The following CHN2 variants were observed in gnomAD, a reference collection of about 807,000 sequenced individuals.
The protein encoded by CHN2 is beta-chimaerin.
In CHN2, 35 loss-of-function variants were observed where a neutral mutation model predicts 56.3. The observed-to-expected ratio is 0.62, with a 90% CI of 0.47 to 0.82. CHN2 has a LOEUF of 0.82. Ranked by LOEUF, CHN2 falls within the 40% of genes least tolerant of loss-of-function variation. CHN2 has a pLI of 0.00. For missense variants in CHN2, 491 were observed against 580.5 expected (o/e 0.85, Z 1.58); for synonymous variants, 210 against 212.8 (o/e 0.99, Z 0.12).
In CHN2 at chr7:29,374,951, G is replaced by A. The variant is rs771977337; in HGVS notation, c.144+6964G>A. On this transcript the variant is annotated intron_variant, in intron 3 of 12. Coordinates refer to ENST00000222792, the MANE Select transcript of CHN2 (RefSeq NM_004067.4). Reference sequence around the variant, plus strand: ...GGCCCAGGCTGGAGTGCAATGGCGCGATCTTGGCTCACCGCAACCTCCGCC... The same window carrying A: ...GGCCCAGGCTGGAGTGCAATGGCGCAATCTTGGCTCACCGCAACCTCCGCC... 4.5e-4 allele frequency among the ~76,000 whole-genome samples: 67 copies of A among 149,548 alleles called. 1 individual carries two copies. The highest frequency in any genetic ancestry group is 2.0e-4 in the East Asian group (1 of 5,032).
intron 7 of CHN2, among the ~76,000 whole-genome samples, chr7:29,489,573 T>C (rs1788421316): frequency 2.0e-5 from 3 of 152,102 alleles, no homozygotes. Flanking sequence ...CAAAAGAAAA[T>C]TGAACAATAT....
chr7:29,247,305 C>T (rs1165055813), intron 1 of CHN2, among the ~76,000 whole-genome samples: 1 of 152,154 alleles, frequency 6.6e-6, no homozygotes, highest in Admixed American at 6.5e-5. Flanking sequence ...TTTATGTGAT[C>T]ACACAGTGAC....
chr7:29,461,952 T>TA (rs370266013), intron 6 of CHN2, among the ~76,000 whole-genome samples: 4 of 152,212 alleles, frequency 2.6e-5, no homozygotes, highest in Admixed American at 6.5e-5. Flanking sequence ...ATTTCTGTCA[T>TA]AAAAAATACC....
chr7:29,472,108 G>A (rs191038295), intron 6 of CHN2, among the ~76,000 whole-genome samples: 11 of 152,130 alleles, frequency 7.2e-5, no homozygotes, highest in East Asian at 3.9e-4. Flanking sequence ...ATTATCATTC[G>A]GCAATTGGAG....
chr7:29,443,756 T>C (rs1267484101), intron 6 of CHN2, among the ~76,000 whole-genome samples: 3 of 149,640 alleles, frequency 2.0e-5, no homozygotes, highest in Non-Finnish European at 4.5e-5. Flanking sequence ...GAGAGAGAGA[T>C]GGCAGGGGGG....
chr7:29,244,475 A>C (rs1310899343), intron 1 of CHN2, among the ~76,000 whole-genome samples: 1 of 152,224 alleles, frequency 6.6e-6, no homozygotes, highest in Non-Finnish European at 1.5e-5. Flanking sequence ...TTCAAGGCTG[A>C]TAGGTTTCAC....
chr7:29,231,339 C>A (rs923467984), intron 1 of CHN2, among the ~76,000 whole-genome samples: 2 of 152,176 alleles, frequency 1.3e-5, no homozygotes, highest in African/African-American at 2.4e-5. Context: ...AGCAAAAATT[C>A]ATCCCCGGTA....
intron 1 of CHN2, among the ~76,000 whole-genome samples, chr7:29,235,367 TAA>T (rs769172279): frequency 4.6e-5 from 7 of 152,218 alleles, no homozygotes; most frequent in Non-Finnish European, 8.8e-5. Flanking sequence ...TGGCTGTTAT[TAA>T]AAAGTCAAAA....
At chr7:29,193,745 A>C (rs1258596124), upstream of CHN2, 1 of 152,202 alleles carries the variant, frequency 6.6e-6, no homozygotes, top group Non-Finnish European at 1.5e-5. Context: ...CTGAAAGGGC[A>C]CAGTCGGACC....
At chr7:29,301,428 G>C (rs1793653554) in intron 1 of CHN2, among the ~76,000 whole-genome samples, 1 of 150,316 alleles carries the variant, frequency 6.7e-6, no homozygotes, top group Non-Finnish European at 1.5e-5. Context: ...GCAGCACCAG[G>C]TAGACTGCTT....
Position 29,254,053 on chromosome 7 carries a change from C to T in CHN2, c.49+59063C>T, listed in dbSNP as rs10247317. Among the ~76,000 whole-genome samples, 1,071 of 152,252 alleles carry T rather than the reference C, an allele frequency of 7.0e-3. 8 individuals are homozygous for T. The highest frequency in any genetic ancestry group is 0.024 in the African/African-American group (1,016 of 41,530). ...CTGAGTAGTTGAGATTACAGGCCTG[C>T]GCCACTGCGCCCAGCTGATTTTTGT... On this transcript the variant is annotated intron_variant, in intron 1 of 12. Coordinates refer to ENST00000222792, the MANE Select transcript of CHN2 (RefSeq NM_004067.4).
chr7:29,303,359 G>A (rs1793867901), intron 1 of CHN2, among the ~76,000 whole-genome samples: 1 of 152,130 alleles, frequency 6.6e-6, no homozygotes, highest in Non-Finnish European at 1.5e-5. Context: ...TGATGTGCTG[G>A]GGCACTAGGA....
chr7:29,249,668 T>C (rs577863882), intron 1 of CHN2, among the ~76,000 whole-genome samples: 1 of 152,340 alleles, frequency 6.6e-6, no homozygotes, highest in East Asian at 1.9e-4. Flanking sequence ...GTTATTTGAG[T>C]GTAGAGAATG....
At chr7:29,471,324 A>G (rs1235119579) in intron 6 of CHN2, among the ~76,000 whole-genome samples, 1 of 152,218 alleles carries the variant, frequency 6.6e-6, no homozygotes, top group East Asian at 1.9e-4. Context: ...GTCTTCCTCT[A>G]TGAGGTGGAG....
intron 6 of CHN2, among the ~76,000 whole-genome samples, chr7:29,424,671 A>C (rs868055211): frequency 2.0e-5 from 3 of 152,168 alleles, no homozygotes; most frequent in Admixed American, 6.6e-5. Flanking sequence ...GATTTTACAA[A>C]CATTTGGATT....
chr7:29,229,021 G>A (rs1387423643), intron 1 of CHN2, among the ~76,000 whole-genome samples: 1 of 152,194 alleles, frequency 6.6e-6, no homozygotes, highest in Non-Finnish European at 1.5e-5. Flanking sequence ...TCGATTGCCA[G>A]CTTTCACCCT....
At chr7:29,337,680 A>T (rs1205385875) in intron 1 of CHN2, among the ~76,000 whole-genome samples, 1 of 152,192 alleles carries the variant, frequency 6.6e-6, no homozygotes, top group Non-Finnish European at 1.5e-5. Context: ...CATGGAAGTG[A>T]TAAATGCATG....
At chr7:29,512,384 T>C (rs1388207326) in intron 12 of CHN2, among the ~76,000 whole-genome samples, 180 bp from the exon 13 acceptor site, 2 of 152,202 alleles carry the variant, frequency 1.3e-5, no homozygotes, top group African/African-American at 2.4e-5. Flanking sequence ...ATGTCAACAA[T>C]TTAAAACGAA....
rs1167339692 is a variant in CHN2, at chr7:29,355,772, A to ATTT, written c.88+1136_88+1138dup. 5.3e-3 allele frequency among the ~76,000 whole-genome samples: 280 copies of ATTT among 52,396 alleles called. 39 individuals are homozygous for ATTT. Among genetic ancestry groups the ATTT allele is most frequent in the Non-Finnish European group, 6.7e-3 (199 of 29,826 alleles). The allele number at this position is 52,396 out of a possible 152,430, so 34.4% of individuals were successfully genotyped here. ...TACCACAACTCTCACAGATGGGACT[A>ATTT]TTTTTTTTTTTTTTTTTTTTTTTTT... is the stretch of plus-strand genomic sequence containing the variant. On this transcript the variant is annotated intron_variant, in intron 2 of 12. Transcript: ENST00000222792.
Sources: allele counts gnomAD v4.1 joint callset (sites outside exome capture counted in the v4.1 genomes callset), GRCh38; gene constraint gnomAD v4.1.1; transcripts MANE v1.5; gene names NCBI Gene and HGNC (gene_info 2026-07-23, HGNC 2026-07-21).